The following NRF1 variants were observed in gnomAD, a reference collection of about 807,000 sequenced individuals.
NRF1 encodes alpha palindromic-binding protein.
NRF1 carries 5 observed loss-of-function variants against 58.5 expected under a neutral mutation model. The ratio of observed to expected loss-of-function variants is 0.09; its 90% CI spans 0.04 to 0.18. The LOEUF (loss-of-function observed/expected upper bound fraction) is 0.18. Ranked by LOEUF, NRF1 falls within the 10% of genes least tolerant of loss-of-function variation. The pLI, the probability that NRF1 is intolerant of heterozygous loss-of-function variation, is 1.00. For synonymous variants in NRF1, 224 were observed against 246.7 expected, an observed-to-expected ratio of 0.91 and a Z score of 0.86; for missense variants, 288 against 657.7, an observed-to-expected ratio of 0.44 and a Z score of 6.15.
In NRF1 at chr7:129,677,775, C is replaced by A. The variant is rs1265266572; in HGVS notation, c.465+17C>A. 1.2e-6 allele frequency: 2 copies of A among 1,612,874 alleles called. No individual in the cohort carries two copies. The highest frequency in any genetic ancestry group is 1.7e-6 in the Non-Finnish European group (2 of 1,179,606). ...GAGAATGTGGTAAGTCAGAACCAAG[C>A]TGTTCTCATTTGCCCTTTGCTTTCT... On this transcript the variant is annotated intron_variant, in intron 4 of 10. Coordinates refer to ENST00000393232, the MANE Select transcript of NRF1 (RefSeq NM_005011.5).
chr7:129,675,570 G>A (rs1211219099), intron 3 of NRF1, among the ~76,000 whole-genome samples: 1 of 152,218 alleles, frequency 6.6e-6, no homozygotes. Flanking sequence ...TGTTATCTTA[G>A]CAGGCATGAA....
chr7:129,671,516 G>A lies in NRF1; in HGVS notation c.311G>A (p.Arg104Gln). ...PHVFESNPSI[R>Q]KRQQTRLLRK... The stretch of plus-strand genomic sequence containing the variant: ...GTATTTGAGTCTAATCCATCTATCC[G>A]GAAGAGGCAACAAACACGTTTGCTT... Residue 104 changes from arginine to glutamine, a missense_variant, in exon 3 of 11, where the codon CGG becomes CAG. By Grantham distance (43) the Arg-to-Gln change is conservative. This residue lies in a region of NRF1 where 212 missense variants were observed against 559.7 expected (regional missense o/e 0.38). Coordinates refer to ENST00000393232, the MANE Select transcript of NRF1 (RefSeq NM_005011.5). 1.2e-6 allele frequency: 2 copies of A among 1,611,246 alleles called. No homozygotes were observed. The highest frequency in any genetic ancestry group is 1.7e-6 in the Non-Finnish European group (2 of 1,177,392).
intron 10 of NRF1, among the ~76,000 whole-genome samples, chr7:129,751,669 G>T (rs1284357087): frequency 2.0e-5 from 3 of 146,556 alleles, no homozygotes; most frequent in Non-Finnish European, 4.5e-5. Flanking sequence ...GTACAGCAAG[G>T]GACTTGTTCC....
intron 10 of NRF1, among the ~76,000 whole-genome samples, chr7:129,738,743 C>CT (rs1176547787): frequency 6.6e-6 from 1 of 152,188 alleles, no homozygotes; most frequent in African/African-American, 2.4e-5. Context: ...ACCCAGTAAA[C>CT]TGAGTAGAAT....
chr7:129,657,261 C>A, intron 1 of NRF1, 85 bp from the exon 2 acceptor site: 5 of 1,008,710 alleles, frequency 5.0e-6, no homozygotes, highest in Admixed American at 2.1e-5. Flanking sequence ...GGTTCCTCTG[C>A]TCTTGAATAA....
intron 1 of NRF1, among the ~76,000 whole-genome samples, chr7:129,634,658 G>T (rs980144160): frequency 2.0e-5 from 3 of 152,180 alleles, no homozygotes; most frequent in Admixed American, 2.0e-4. Context: ...ATTTATTTGT[G>T]TGCTGGTTTT....
At chr7:129,663,248 C>T (rs949714177) in intron 2 of NRF1, among the ~76,000 whole-genome samples, 36 of 152,292 alleles carry the variant, frequency 2.4e-4, no homozygotes, top group East Asian at 2.1e-3. Context: ...CATCATGGCC[C>T]GCTCTCGATG....
At position 129,691,760 on chromosome 7, in the gene NRF1, C is replaced by G. The variant is rs1802574878; in HGVS notation, c.606+1214C>G. On this transcript the variant is annotated intron_variant, in intron 5 of 10. Transcript: ENST00000393232. ...GCAGCATTTGACATAGTTGATTACT[C>G]CTTAAAGCATCTTCTCTCTGTCTCT... 3.3e-5 allele frequency among the ~76,000 whole-genome samples: 5 copies of G among 152,278 alleles called. No individual in the cohort carries two copies. The South Asian group carries it at 8.3e-4, about 25-fold the overall frequency.
intron 2 of NRF1, among the ~76,000 whole-genome samples, chr7:129,659,441 G>C (rs752605111): frequency 7.2e-5 from 11 of 152,146 alleles, no homozygotes; most frequent in Non-Finnish European, 1.3e-4. Flanking sequence ...CTGGTCTCCT[G>C]AGATGGTTTT....
intron 10 of NRF1, among the ~76,000 whole-genome samples, chr7:129,750,413 G>C (rs1292745862): frequency 6.6e-6 from 1 of 152,210 alleles, no homozygotes; most frequent in African/African-American, 2.4e-5. Context: ...GGGACATGAA[G>C]GCTGTTAGGT....
intron 1 of NRF1, among the ~76,000 whole-genome samples, chr7:129,640,459 A>G (rs929208637): frequency 2.6e-5 from 4 of 152,102 alleles, no homozygotes; most frequent in Admixed American, 2.6e-4. Flanking sequence ...GCAGTGAGCC[A>G]TGATTGCACC....
intron 8 of NRF1, among the ~76,000 whole-genome samples, chr7:129,715,656 CTGTT>C (rs1803169583): frequency 6.6e-6 from 1 of 152,142 alleles, no homozygotes; most frequent in Admixed American, 6.5e-5. Flanking sequence ...CATCACAGCA[CTGTT>C]TGTTAATAGC....
At chr7:129,712,886 C>T (rs1195797318) in intron 8 of NRF1, among the ~76,000 whole-genome samples, 4 of 152,134 alleles carry the variant, frequency 2.6e-5, no homozygotes. Context: ...AACAAGATGA[C>T]ACTCCTTAAA....
intron 3 of NRF1, among the ~76,000 whole-genome samples, chr7:129,675,872 A>G (rs1802166012): frequency 6.6e-6 from 1 of 152,208 alleles, no homozygotes; most frequent in South Asian, 2.1e-4. Flanking sequence ...GAAGCTTTGA[A>G]ACCTGGCATT....
chr7:129,653,148 G>T (rs757435662), intron 1 of NRF1, among the ~76,000 whole-genome samples: 1 of 152,168 alleles, frequency 6.6e-6, no homozygotes, highest in Non-Finnish European at 1.5e-5. Flanking sequence ...TACTCTAGGT[G>T]CCTCACATAA....
chr7:129,736,391 C>T (rs1247917168), intron 10 of NRF1, among the ~76,000 whole-genome samples: 1 of 150,674 alleles, frequency 6.6e-6, no homozygotes, highest in African/African-American at 2.4e-5. Flanking sequence ...AAGCGATTCT[C>T]CTGCCTCAGC....
chr7:129,634,038 AAAAAGATAT>A (rs1186820183), intron 1 of NRF1, among the ~76,000 whole-genome samples: 26 of 87,084 alleles, frequency 3.0e-4, no homozygotes, highest in African/African-American at 1.3e-3. Flanking sequence ...TTAAAAAAAA[AAAAAGATAT>A]ATATATATAT....
chr7:129,715,230 C>G (rs541795477), intron 8 of NRF1, among the ~76,000 whole-genome samples: 3 of 152,306 alleles, frequency 2.0e-5, no homozygotes, highest in African/African-American at 7.2e-5. Context: ...TTTTTACCGT[C>G]CTGACTGGGG....
rs181396699 is a variant in NRF1 at position 129,704,080 on chromosome 7, A to G, written c.607-4995A>G. ...CGTTTTTTTTTAATTGAAGGGAGAG[A>G]AACAGTGCATGTGCGAGAGGGAGCT... On this transcript the variant is annotated intron_variant, in intron 5 of 10. Transcript: ENST00000393232. 3.8e-4 allele frequency among the ~76,000 whole-genome samples: 54 copies of G among 140,580 alleles called. No homozygotes were observed. In the East Asian group the frequency reaches 0.013, roughly 35 times the overall value. The allele number at this position is 140,580 out of a possible 152,430, so 92.2% of individuals were successfully genotyped here. A position where few individuals can be genotyped will look rare whatever the true frequency, so the allele number is the denominator to read the frequency against.
Sources: gnomAD v4.1 joint callset for allele counts (sites outside exome capture counted in the v4.1 genomes callset) on GRCh38, gnomAD v4.1.1 for gene constraint, gnomAD v4.1.1 regional missense constraint, MANE v1.5 for transcripts, NCBI Gene and HGNC (gene_info 2026-07-23, HGNC 2026-07-21) for gene names.